IGSF3: variants seen among roughly 807,000 people sequenced by gnomAD.
IGSF3 encodes the protein immunoglobulin superfamily member 3, also known as glu-Trp-Ile EWI motif-containing protein 3.
IGSF3 carries 23 observed loss-of-function variants against 114.4 expected under a neutral mutation model. The ratio of observed to expected loss-of-function variants is 0.20; its 90% confidence interval spans 0.14 to 0.28. The LOEUF is 0.28. IGSF3 is among the 10% of genes least tolerant of loss of function. IGSF3 has a pLI of 1.00. For missense variants in IGSF3, 1,172 were observed against 1,591.5 expected (o/e 0.74, Z 4.48); for synonymous variants, 571 against 645.2 (o/e 0.88, Z 1.74).
Position 116,614,680 on chromosome 1 carries a change from T to C in IGSF3, c.422-505A>G, listed in dbSNP as rs888040362. 6.6e-6 allele frequency among the ~76,000 whole-genome samples: 1 copy of C among 152,172 alleles called. No individual in the cohort carries two copies. The highest frequency in any genetic ancestry group is 1.5e-5 in the Non-Finnish European group (1 of 68,026). Reference sequence around the variant, plus strand: ...AGCAATGCAGCCCTAGGAAGATGATTTTTTTAAAAAACCATTTTTGGTAGA... The same window carrying C: ...AGCAATGCAGCCCTAGGAAGATGATCTTTTTAAAAAACCATTTTTGGTAGA... On this transcript the variant is annotated intron_variant, in intron 3 of 10. Transcript: ENST00000369486. This position sits in a 1 kb window ranked among gnomAD's most constrained non-coding sequence, Gnocchi z 4.5.
At position 116,655,389 on chromosome 1, in the gene IGSF3, A is replaced by G. The variant is rs542749; in HGVS notation, c.43+10895T>C. 0.83 allele frequency among the ~76,000 whole-genome samples: 126,194 copies of G among 152,228 alleles called. 52,985 individuals are homozygous for G. The highest frequency in any genetic ancestry group is 0.94 in the African/African-American group (38,997 of 41,556). ...ATCCCACAGCCATCTCTCCAAAAGA[A>G]CAACTATTTTAAAAATCAGGTCTAA... On this transcript the variant is annotated intron_variant, in intron 2 of 10. Transcript: ENST00000369486. The surrounding 1 kb of genome is among the most constrained non-coding windows in gnomAD (Gnocchi z 4.3).
Position 116,642,249 on chromosome 1 carries a change from C to A in IGSF3, c.43+24035G>T, listed in dbSNP as rs918092947. Among the ~76,000 whole-genome samples, 75 of 151,874 alleles carry A rather than the reference C, an allele frequency of 4.9e-4. No individual in the cohort carries two copies. The highest frequency in any genetic ancestry group is 1.8e-4 in the Non-Finnish European group (12 of 67,980). ...TTACCTCTTATTAGAAAAAAAAACA[C>A]GAAATTTTTTGGTAAAAGAATTATC... On this transcript the variant is annotated intron_variant, in intron 2 of 10. Transcript: ENST00000369486. The surrounding 1 kb of genome is among the most constrained non-coding windows in gnomAD (Gnocchi z 5.4).
chr1:116,628,184 C>T lies in IGSF3; in HGVS notation c.44-11727G>A, dbSNP rs369953720. On this transcript the variant is annotated intron_variant, in intron 2 of 10. Coordinates refer to ENST00000369486, the MANE Select transcript of IGSF3 (RefSeq NM_001007237.3). The surrounding 1 kb of genome is among the most constrained non-coding windows in gnomAD (Gnocchi z 4.2). ...CAACCCATGAGTGAGGATCACAGCA[C>T]AGCTATGCCTTGCAAGGACCAGAAC... 1.1e-4 allele frequency among the ~76,000 whole-genome samples: 16 copies of T among 152,298 alleles called. No homozygotes were observed. In the South Asian group the frequency reaches 3.3e-3, roughly 32 times the overall value.
chr1:116,643,081 G>C (rs1648181419), intron 2 of IGSF3, among the ~76,000 whole-genome samples: 1 of 152,188 alleles, frequency 6.6e-6, no homozygotes, highest in African/African-American at 2.4e-5. Flanking sequence ...CAGGGGGATG[G>C]GGGAGAGGCA....
rs1477845385 is a variant in IGSF3 at position 116,598,491 on chromosome 1, G to T, written c.2029+1450C>A. Among the ~76,000 whole-genome samples the T allele has an allele frequency of 2.0e-5, 3 of 152,182 alleles. No homozygotes were observed. The highest frequency in any genetic ancestry group is 2.9e-5 in the Non-Finnish European group (2 of 68,042). On this transcript the variant is annotated intron_variant, in intron 7 of 10. Coordinates refer to ENST00000369486, the MANE Select transcript of IGSF3 (RefSeq NM_001007237.3). This position sits in a 1 kb window ranked among gnomAD's most constrained non-coding sequence, Gnocchi z 4.3. ...GTCTCGTCATTTATACAACTCACTT[G>T]TTCCAAATCTGGTACAGAACAGAAC...
rs1397053794 is a variant in IGSF3, at chr1:116,666,581, T to G, written c.-255A>C. On this transcript the variant is annotated 5_prime_UTR_variant, in exon 2 of 11. Transcript: ENST00000369486. Reference sequence around the variant, plus strand: ...CAATTCGGAAGTCGCTCCCGGCTCCTGCCACATCGTGTGCCTTGCAGTTTC... The same window carrying G: ...CAATTCGGAAGTCGCTCCCGGCTCCGGCCACATCGTGTGCCTTGCAGTTTC... 1.0e-5 allele frequency: 6 copies of G among 600,044 alleles called. No homozygotes were observed. The highest frequency in any genetic ancestry group is 9.3e-5 in the African/African-American group (5 of 53,952). The allele number at this position is 600,044 out of a possible 1,614,324, so 37.2% of individuals were successfully genotyped here.
rs1342191866 is a variant in IGSF3 at position 116,582,464 on chromosome 1, G to A, written c.2848+2181C>T. Reference sequence around the variant, plus strand: ...ACTCATCTGCAATCTTAGTGAGGATGGGAGCCCTTCATTCCATGTATTTCA... The same window carrying A: ...ACTCATCTGCAATCTTAGTGAGGATAGGAGCCCTTCATTCCATGTATTTCA... On this transcript the variant is annotated intron_variant, in intron 9 of 10. Transcript: ENST00000369486. This position sits in a 1 kb window ranked among gnomAD's most constrained non-coding sequence, Gnocchi z 4.7. 1.3e-5 allele frequency among the ~76,000 whole-genome samples: 2 copies of A among 152,216 alleles called. No individual in the cohort carries two copies. The highest frequency in any genetic ancestry group is 3.8e-4 in the East Asian group (2 of 5,196).
chr1:116,626,773 T>C (rs1285408665), intron 2 of IGSF3, among the ~76,000 whole-genome samples: 1 of 152,110 alleles, frequency 6.6e-6, no homozygotes, highest in Non-Finnish European at 1.5e-5. Context: ...AAGGTAGGGA[T>C]AGCACCTGAG....
intron 4 of IGSF3, among the ~76,000 whole-genome samples, chr1:116,611,413 C>T (rs997288666): frequency 2.0e-5 from 3 of 152,186 alleles, no homozygotes; most frequent in African/African-American, 4.8e-5. Context: ...AACACCAACA[C>T]ACACCCATGT....
chr1:116,584,661 C>T lies in IGSF3; in HGVS notation c.2832G>A (p.Leu944=). Residue 944 remains leucine (L), a synonymous_variant, in exon 9 of 11, where the codon CTG becomes CTA. Transcript: ENST00000369486. This position sits in a 1 kb window ranked among gnomAD's most constrained non-coding sequence, Gnocchi z 5.8. ...GACCCTCACCTGGTCGCATGACTGT[C>T]AGAGCTGTCTGCCCAGCGGTGTCCT... The part of the protein sequence containing the change: ...RAEDTAGQTA[L]TVMRPDASLQ... The T allele has an allele frequency of 6.2e-7, 1 of 1,614,204 alleles. No individual in the cohort carries two copies. Among genetic ancestry groups the T allele is most frequent in the African/African-American group, 1.3e-5 (1 of 75,076 alleles).
Position 116,583,965 on chromosome 1 carries a change from G to T in IGSF3, c.2848+680C>A, listed in dbSNP as rs1659705178. Among the ~76,000 whole-genome samples, 1 of 152,100 alleles carries T rather than the reference G, an allele frequency of 6.6e-6. No homozygotes were observed. Among genetic ancestry groups the T allele is most frequent in the South Asian group, 2.1e-4 (1 of 4,830 alleles). Reference sequence around the variant, plus strand: ...ACTTTGAAAAGCCGAGGCGGTGGTGGGGGTCACGAGGTCAGGAGATCGAGA... The same window carrying T: ...ACTTTGAAAAGCCGAGGCGGTGGTGTGGGTCACGAGGTCAGGAGATCGAGA... On this transcript the variant is annotated intron_variant, in intron 9 of 10. Coordinates refer to ENST00000369486, the MANE Select transcript of IGSF3 (RefSeq NM_001007237.3). The surrounding 1 kb of genome is among the most constrained non-coding windows in gnomAD (Gnocchi z 4.5).
intron 10 of IGSF3, among the ~76,000 whole-genome samples, chr1:116,578,147 C>A (rs1239281972): frequency 2.0e-5 from 3 of 152,196 alleles, no homozygotes; most frequent in African/African-American, 7.2e-5. Flanking sequence ...AGAGAATAAA[C>A]CAGGCGCCCC....
At chr1:116,631,683 T>G (rs1366184844) in intron 2 of IGSF3, among the ~76,000 whole-genome samples, 2 of 152,160 alleles carry the variant, frequency 1.3e-5, no homozygotes, top group African/African-American at 4.8e-5. Context: ...GATGAGGTCA[T>G]CACTGGACAG....
In IGSF3 at chr1:116,598,693, G is replaced by T. The variant is rs569727120; in HGVS notation, c.2029+1248C>A. Among the ~76,000 whole-genome samples the T allele has an allele frequency of 6.6e-6, 1 of 152,308 alleles. No homozygotes were observed. The highest frequency in any genetic ancestry group is 2.4e-5 in the African/African-American group (1 of 41,562). ...TTGGCAAGGCGTTCCAGCCATCTTT[G>T]CAAAGTCAAACCCTTGCCCTTGCCT... On this transcript the variant is annotated intron_variant, in intron 7 of 10. Coordinates refer to ENST00000369486, the MANE Select transcript of IGSF3 (RefSeq NM_001007237.3). The surrounding 1 kb of genome is among the most constrained non-coding windows in gnomAD (Gnocchi z 4.3).
At position 116,634,361 on chromosome 1, in the gene IGSF3, T is replaced by C. The variant is rs1647727416; in HGVS notation, c.44-17904A>G. Among the ~76,000 whole-genome samples, 1 of 152,224 alleles carries C rather than the reference T, an allele frequency of 6.6e-6. No homozygotes were observed. The highest frequency in any genetic ancestry group is 2.4e-5 in the African/African-American group (1 of 41,456). On this transcript the variant is annotated intron_variant, in intron 2 of 10. Transcript: ENST00000369486. This position sits in a 1 kb window ranked among gnomAD's most constrained non-coding sequence, Gnocchi z 4.2. ...GAACAACTAAAAAACAAGAGCCACG[T>C]GTTCCCATGGTCCTGGCCAACCCCA... is the stretch of plus-strand genomic sequence containing the variant.
chr1:116,635,610 T>C (rs1202558739), intron 2 of IGSF3, among the ~76,000 whole-genome samples: 1 of 152,204 alleles, frequency 6.6e-6, no homozygotes, highest in East Asian at 1.9e-4. Flanking sequence ...ATCCAGGCTG[T>C]TTAAGAAAAG....
chr1:116,635,085 T>A (rs1325018640), intron 2 of IGSF3, among the ~76,000 whole-genome samples: 4 of 152,214 alleles, frequency 2.6e-5, no homozygotes, highest in Non-Finnish European at 5.9e-5. Flanking sequence ...GAGAATAAAC[T>A]AATTTTTGCT....
chr1:116,578,919 C>T (rs1659467551), intron 10 of IGSF3, among the ~76,000 whole-genome samples: 1 of 152,140 alleles, frequency 6.6e-6, no homozygotes, highest in African/African-American at 2.4e-5. Flanking sequence ...ATACAAGATC[C>T]ACCTCAACCT....
At position 116,618,184 on chromosome 1, in the gene IGSF3, T is replaced by C. The variant is rs1661287646; in HGVS notation, c.44-1727A>G. Among the ~76,000 whole-genome samples, 2 of 152,196 alleles carry C rather than the reference T, an allele frequency of 1.3e-5. No homozygotes were observed. The highest frequency in any genetic ancestry group is 6.5e-5 in the Admixed American group (1 of 15,284). ...GAACCTTTCCTCACAAACAAAATCTTACACAGAACCCCATCTTGGCTTCAG... is the reference window on the plus strand; with the variant it reads ...GAACCTTTCCTCACAAACAAAATCTCACACAGAACCCCATCTTGGCTTCAG... On this transcript the variant is annotated intron_variant, in intron 2 of 10. Transcript: ENST00000369486. This position sits in a 1 kb window ranked among gnomAD's most constrained non-coding sequence, Gnocchi z 4.7.
Sources: gnomAD v4.1 joint callset for allele counts (sites outside exome capture counted in the v4.1 genomes callset) on GRCh38, gnomAD v4.1.1 for gene constraint, Gnocchi (gnomAD v3.1) non-coding constraint, MANE v1.5 for transcripts, NCBI Gene and HGNC (gene_info 2026-07-23, HGNC 2026-07-21) for gene names.